The following SLC24A3 variants were observed in gnomAD, a reference collection of about 807,000 sequenced individuals.
The protein encoded by SLC24A3 is solute carrier family 24 member 3, also known as sodium/potassium/calcium exchanger 3.
Under a neutral mutation model 75.8 loss-of-function variants are expected in SLC24A3, and 28 were observed. That is an observed-to-expected ratio of 0.37 (90% CI 0.27 to 0.51). SLC24A3 has a LOEUF of 0.51. SLC24A3 is among the 20% of genes least tolerant of loss of function. The pLI, the probability that SLC24A3 is intolerant of heterozygous loss-of-function variation, is 0.94. For synonymous variants in SLC24A3, 372 were observed against 334.1 expected (o/e 1.11, Z -1.24); for missense variants, 663 against 847.8 (o/e 0.78, Z 2.71).
chr20:19,660,782 C>T (rs1189417352), intron 7 of SLC24A3, among the ~76,000 whole-genome samples: 1 of 152,128 alleles, frequency 6.6e-6, no homozygotes, highest in Non-Finnish European at 1.5e-5. Flanking sequence ...TCTTTCAGCT[C>T]ATTTTGCCCT....
chr20:19,444,525 A>G (rs1987348472), intron 2 of SLC24A3, among the ~76,000 whole-genome samples: 1 of 152,166 alleles, frequency 6.6e-6, no homozygotes, highest in African/African-American at 2.4e-5. Flanking sequence ...TATTCAGGTT[A>G]TATATTTCTC....
chr20:19,581,241 C>T (rs768738), intron 4 of SLC24A3, among the ~76,000 whole-genome samples: 117,638 of 152,092 alleles, frequency 0.77, 46,131 homozygotes, highest in South Asian at 0.89. Flanking sequence ...CACCTTATGT[C>T]GAAGGGGAGG....
chr20:19,382,616 C>CT (rs1986201337), intron 2 of SLC24A3, among the ~76,000 whole-genome samples: 1 of 152,106 alleles, frequency 6.6e-6, no homozygotes, highest in Non-Finnish European at 1.5e-5. Flanking sequence ...TGGCTCCTGT[C>CT]TCTCTGGCTG....
At chr20:19,544,705 A>G (rs1287856237) in intron 3 of SLC24A3, among the ~76,000 whole-genome samples, 1 of 152,230 alleles carries the variant, frequency 6.6e-6, no homozygotes, top group African/African-American at 2.4e-5. Context: ...CTGGATTTAT[A>G]CACTCAAGCC....
At chr20:19,628,033 T>A (rs957290235) in intron 6 of SLC24A3, among the ~76,000 whole-genome samples, 1 of 150,610 alleles carries the variant, frequency 6.6e-6, no homozygotes, top group Non-Finnish European at 1.5e-5. Context: ...CTGTCTCTGC[T>A]AAAAATAATT....
Position 19,656,137 on chromosome 20 carries a change from G to A in SLC24A3, c.687+2001G>A, listed in dbSNP as rs76961440. Among the ~76,000 whole-genome samples, 1,247 of 152,272 alleles carry A rather than the reference G, an allele frequency of 8.2e-3. 16 individuals are homozygous for A. The highest frequency in any genetic ancestry group is 0.029 in the African/African-American group (1,184 of 41,542). On this transcript the variant is annotated intron_variant, in intron 7 of 16. Transcript: ENST00000328041. Reference sequence around the variant, plus strand: ...AAATAAAATGAACATGAGGGTTGACGTGAGATTTTCCCTGCGGAACCAGAC... The same window carrying A: ...AAATAAAATGAACATGAGGGTTGACATGAGATTTTCCCTGCGGAACCAGAC...
At chr20:19,633,769 G>A (rs1223852747) in intron 6 of SLC24A3, among the ~76,000 whole-genome samples, 1 of 151,990 alleles carries the variant, frequency 6.6e-6, no homozygotes, top group Non-Finnish European at 1.5e-5. Context: ...ACATTCTGAG[G>A]TACTGAGGTT....
intron 2 of SLC24A3, among the ~76,000 whole-genome samples, chr20:19,330,409 G>A (rs895012628): frequency 6.6e-6 from 1 of 152,212 alleles, no homozygotes; most frequent in Non-Finnish European, 1.5e-5. Context: ...CATCTTTGAA[G>A]CAACCAGGAT....
At position 19,722,437 on chromosome 20, in the gene SLC24A3, T is replaced by A. The variant is rs1480759943; in HGVS notation, c.*1297T>A. On this transcript the variant is annotated 3_prime_UTR_variant, in exon 17 of 17. Transcript: ENST00000328041. ...TTACATGCAGACTCGCTCAAGGGCA[T>A]AAGTTATTGTGAACGTTTTTGCCAA... 2 of 152,688 alleles carry A rather than the reference T, an allele frequency of 1.3e-5. No individual in the cohort carries two copies. The allele number at this position is 152,688 out of a possible 1,614,324, so 9.5% of individuals were successfully genotyped here. A position where few individuals can be genotyped will look rare whatever the true frequency, so the allele number is the denominator to read the frequency against.
At chr20:19,279,865 C>T (rs1983606592) in intron 1 of SLC24A3, among the ~76,000 whole-genome samples, 1 of 152,200 alleles carries the variant, frequency 6.6e-6, no homozygotes, top group Non-Finnish European at 1.5e-5. Context: ...CTGCACTGTG[C>T]CAGCTGGCAT....
chr20:19,713,162 C>T (rs774506423), intron 15 of SLC24A3, among the ~76,000 whole-genome samples: 1 of 152,188 alleles, frequency 6.6e-6, no homozygotes, highest in Non-Finnish European at 1.5e-5. Flanking sequence ...TAATGAGATG[C>T]AGGCAGGAGT....
intron 2 of SLC24A3, among the ~76,000 whole-genome samples, chr20:19,489,727 C>T (rs990286654): frequency 6.6e-6 from 1 of 151,934 alleles, no homozygotes; most frequent in African/African-American, 2.4e-5. Context: ...CTGTGGGTCC[C>T]GAATTGTCTT....
chr20:19,510,431 C>T (rs756863320), intron 2 of SLC24A3, among the ~76,000 whole-genome samples: 1 of 152,180 alleles, frequency 6.6e-6, no homozygotes, highest in Admixed American at 6.5e-5. Context: ...GTTATGGTCT[C>T]TCCTTTCCTG....
intron 2 of SLC24A3, among the ~76,000 whole-genome samples, chr20:19,444,405 G>A (rs554580919): frequency 1.3e-5 from 2 of 152,198 alleles, no homozygotes; most frequent in African/African-American, 4.8e-5. Context: ...CAGAATTGAT[G>A]TAATTTCTTC....
chr20:19,361,106 C>T lies in SLC24A3; in HGVS notation c.271+80019C>T, dbSNP rs370209504. ...CCTCCCAAAGTGCTGGGATTACAGG[C>T]GTGAACCACTGCACCCGGCCAGAAA... On this transcript the variant is annotated intron_variant, in intron 2 of 16. Transcript: ENST00000328041. 1.1e-4 allele frequency among the ~76,000 whole-genome samples: 17 copies of T among 152,320 alleles called. No individual in the cohort carries two copies. The East Asian group carries it at 1.4e-3, about 12-fold the overall frequency.
At chr20:19,264,130 C>T (rs1406210041) in intron 1 of SLC24A3, 6 of 149,660 alleles carry the variant, frequency 4.0e-5, no homozygotes, top group Non-Finnish European at 7.4e-5. Context: ...CACTACACTC[C>T]AGCCTGAGTG....
chr20:19,463,998 C>T (rs1987722614), intron 2 of SLC24A3, among the ~76,000 whole-genome samples: 1 of 152,222 alleles, frequency 6.6e-6, no homozygotes, highest in Admixed American at 6.5e-5. Flanking sequence ...CAGCCCTGAA[C>T]ACTTGTGAAA....
intron 7 of SLC24A3, among the ~76,000 whole-genome samples, chr20:19,656,385 T>TTCAGTATG (rs11281390): frequency 6.6e-6 from 1 of 151,186 alleles, no homozygotes; most frequent in African/African-American, 2.4e-5. Flanking sequence ...AGCAGAGAGG[T>TTCAGTATG]TCATGCTGGA....
intron 2 of SLC24A3, among the ~76,000 whole-genome samples, chr20:19,374,638 G>A (rs1986049786): frequency 6.6e-6 from 1 of 152,202 alleles, no homozygotes. Flanking sequence ...CAAGCCTGTG[G>A]GGTAGGCATG....
Sources: allele counts gnomAD v4.1 joint callset (sites outside exome capture counted in the v4.1 genomes callset), GRCh38; gene constraint gnomAD v4.1.1; transcripts MANE v1.5; gene names NCBI Gene and HGNC (gene_info 2026-07-23, HGNC 2026-07-21).